PTPRD: variants seen among roughly 807,000 people sequenced by gnomAD.
PTPRD encodes the protein receptor-type tyrosine-protein phosphatase delta.
PTPRD carries 34 observed loss-of-function variants against 214.5 expected under a neutral mutation model. The ratio of observed to expected loss-of-function variants is 0.16; its 90% confidence interval spans 0.12 to 0.21. PTPRD has a LOEUF of 0.21. PTPRD is among the 10% of genes least tolerant of loss of function. The pLI is 1.00. For missense variants in PTPRD, 2,545 were observed against 2,398.7 expected, an observed-to-expected ratio of 1.06 and a Z score of -1.27; for synonymous variants, 1,128 against 845.7, an observed-to-expected ratio of 1.33 and a Z score of -5.79.
At chr9:10,216,235 G>A (rs1230043828) in intron 3 of PTPRD, among the ~76,000 whole-genome samples, 1 of 151,742 alleles carries the variant, frequency 6.6e-6, no homozygotes, top group African/African-American at 2.4e-5. Flanking sequence ...TTAAGGTTTG[G>A]GGCCTGAGAG....
intron 9 of PTPRD, among the ~76,000 whole-genome samples, chr9:9,310,466 T>C (rs188237671): frequency 4.1e-4 from 63 of 152,256 alleles, no homozygotes; most frequent in African/African-American, 1.5e-3. Flanking sequence ...GTGCTGAAGG[T>C]AACTGATCCT....
chr9:10,145,566 A>G (rs1243797912), intron 3 of PTPRD, among the ~76,000 whole-genome samples: 2 of 152,164 alleles, frequency 1.3e-5, no homozygotes, highest in Non-Finnish European at 2.9e-5. Flanking sequence ...ATATGAGTTA[A>G]TCAACTGTTT....
At chr9:9,946,152 C>G (rs1057063637) in intron 4 of PTPRD, among the ~76,000 whole-genome samples, 1 of 147,956 alleles carries the variant, frequency 6.8e-6, no homozygotes, top group African/African-American at 2.5e-5. Flanking sequence ...CTTGTACCTT[C>G]TAAGATAATA....
intron 11 of PTPRD, among the ~76,000 whole-genome samples, chr9:8,805,047 G>A (rs1237437903): frequency 1.3e-5 from 2 of 152,140 alleles, no homozygotes; most frequent in African/African-American, 4.8e-5. Flanking sequence ...AATTCCCATG[G>A]AACTTCATTT....
At chr9:8,418,640 T>TA (rs1268381349) in intron 35 of PTPRD, among the ~76,000 whole-genome samples, 1 of 151,968 alleles carries the variant, frequency 6.6e-6, no homozygotes, top group Non-Finnish European at 1.5e-5. Flanking sequence ...TTGGGAAACT[T>TA]ATTTCTTTCG....
chr9:8,480,916 G>C (rs1159105405), intron 30 of PTPRD, among the ~76,000 whole-genome samples: 1 of 152,104 alleles, frequency 6.6e-6, no homozygotes, highest in Non-Finnish European at 1.5e-5. Flanking sequence ...TGAGGGGTTG[G>C]ATCACGAGGT....
chr9:8,479,856 C>G (rs2135504046), intron 30 of PTPRD, among the ~76,000 whole-genome samples: 1 of 152,014 alleles, frequency 6.6e-6, no homozygotes, highest in Non-Finnish European at 1.5e-5. Flanking sequence ...AATTTATAGT[C>G]TATCATTTCC....
chr9:8,951,572 T>C (rs936711502), intron 11 of PTPRD, among the ~76,000 whole-genome samples: 4 of 152,018 alleles, frequency 2.6e-5, no homozygotes, highest in Admixed American at 2.0e-4. Context: ...TTCTTGATCT[T>C]CCATCTCCCA....
intron 4 of PTPRD, among the ~76,000 whole-genome samples, chr9:10,028,330 G>T (rs2096971392): frequency 6.6e-6 from 1 of 152,076 alleles, no homozygotes; most frequent in Non-Finnish European, 1.5e-5. Context: ...GTGTGAAAAT[G>T]GACTAATAGA....
intron 5 of PTPRD, among the ~76,000 whole-genome samples, chr9:9,857,943 G>A (rs2061877972): frequency 6.6e-6 from 1 of 152,060 alleles, no homozygotes; most frequent in Admixed American, 6.6e-5. Flanking sequence ...AATTCAAATG[G>A]AAAGAAATAA....
At chr9:10,488,933 C>T (rs773453716) in intron 2 of PTPRD, among the ~76,000 whole-genome samples, 14 of 152,046 alleles carry the variant, frequency 9.2e-5, no homozygotes, top group East Asian at 7.7e-4. Flanking sequence ...CCCAAGTGTC[C>T]GCTTGGTGCT....
chr9:8,367,721 A>G (rs1043980509), intron 39 of PTPRD, among the ~76,000 whole-genome samples: 3 of 152,206 alleles, frequency 2.0e-5, no homozygotes, highest in African/African-American at 7.2e-5. Context: ...CACAGTCCAG[A>G]AAATATAATA....
intron 4 of PTPRD, among the ~76,000 whole-genome samples, chr9:10,018,011 T>C (rs1000790428): frequency 6.6e-6 from 1 of 152,204 alleles, no homozygotes; most frequent in Non-Finnish European, 1.5e-5. Context: ...TTATTATTTT[T>C]AGTTTTAACA....
In PTPRD at chr9:9,024,338, G is replaced by GTTTTTT. The variant is rs746383829; in HGVS notation, c.-142-5609_-142-5604dup. On this transcript the variant is annotated intron_variant, in intron 10 of 45. Coordinates refer to ENST00000381196, the MANE Select transcript of PTPRD (RefSeq NM_002839.4). ...TCGAAAAGGCTATTGTCGATTCTTTGTTTTTTTTTGTTTGTTTTTTTTTTT... is the reference window on the plus strand; with the variant it reads ...TCGAAAAGGCTATTGTCGATTCTTTGTTTTTTTTTTTTTTTGTTTGTTTTTTTTTTT... Among the ~76,000 whole-genome samples the GTTTTTT allele has an allele frequency of 2.3e-4, 14 of 61,342 alleles. 1 individual carries two copies. The highest frequency in any genetic ancestry group is 1.1e-3 in the East Asian group (2 of 1,886). The allele number at this position is 61,342 out of a possible 152,430, so 40.2% of individuals were successfully genotyped here. A position where few individuals can be genotyped will look rare whatever the true frequency, so the allele number is the denominator to read the frequency against.
At chr9:9,189,336 G>C (rs112182675) in intron 9 of PTPRD, among the ~76,000 whole-genome samples, 1 of 152,052 alleles carries the variant, frequency 6.6e-6, no homozygotes, top group Admixed American at 6.6e-5. Flanking sequence ...GTGATTTGAT[G>C]GGGCTAACGT....
At chr9:8,549,070 G>C (rs35386998) in intron 14 of PTPRD, among the ~76,000 whole-genome samples, 19,330 of 152,120 alleles carry the variant, frequency 0.13, 1,409 homozygotes, top group South Asian at 0.17. Context: ...AGGGAGTGCA[G>C]TGAAGGGGGA....
At chr9:10,034,556 A>C (rs1412285606) in intron 3 of PTPRD, among the ~76,000 whole-genome samples, 3 of 151,182 alleles carry the variant, frequency 2.0e-5, no homozygotes, top group Admixed American at 2.0e-4. Flanking sequence ...GTTATTTTTC[A>C]TGATCCTCTC....
chr9:8,642,997 A>G (rs982635197), intron 12 of PTPRD, among the ~76,000 whole-genome samples: 1 of 152,140 alleles, frequency 6.6e-6, no homozygotes, highest in Non-Finnish European at 1.5e-5. Context: ...TTCTACATGA[A>G]CCAGGGCCTG....
At chr9:8,925,603 G>C (rs574479991) in intron 11 of PTPRD, among the ~76,000 whole-genome samples, 2 of 130,544 alleles carry the variant, frequency 1.5e-5, no homozygotes, top group African/African-American at 5.9e-5. Flanking sequence ...CATCTGATGA[G>C]GATGGTTACC....
Sources: gnomAD v4.1 joint callset for allele counts (sites outside exome capture counted in the v4.1 genomes callset) on GRCh38, gnomAD v4.1.1 for gene constraint, MANE v1.5 for transcripts, NCBI Gene and HGNC (gene_info 2026-07-23, HGNC 2026-07-21) for gene names.